The following KIF16B variants were observed in gnomAD, a reference collection of about 807,000 sequenced individuals.
KIF16B encodes the protein kinesin-like protein KIF16B.
A neutral mutation model predicts 156.3 loss-of-function variants in KIF16B; 98 were observed. That is an observed-to-expected ratio of 0.63 (90% CI 0.53 to 0.74). The LOEUF (loss-of-function observed/expected upper bound fraction) is 0.74, where lower values mean the gene tolerates loss of function less well. KIF16B is among the 30% of genes least tolerant of loss of function. The probability of loss-of-function intolerance (pLI) is 0.00; values close to 1 mark genes in which losing one functional copy is unlikely to be tolerated. For synonymous variants in KIF16B, 564 were observed against 583.7 expected, an observed-to-expected ratio of 0.97 and a Z score of 0.49; for missense variants, 1,421 against 1,606.5, an observed-to-expected ratio of 0.88 and a Z score of 1.97.
intron 7 of KIF16B, among the ~76,000 whole-genome samples, chr20:16,507,320 G>A (rs1252481374): frequency 6.6e-6 from 1 of 151,994 alleles, no homozygotes; most frequent in Non-Finnish European, 1.5e-5. Context: ...TATCTGATGT[G>A]TCCAACTGTT....
At chr20:16,518,481 C>A (rs1426432845) in intron 3 of KIF16B, among the ~76,000 whole-genome samples, 1 of 152,136 alleles carries the variant, frequency 6.6e-6, no homozygotes. Context: ...AGGGGAACTG[C>A]CCACAAGAGG....
At chr20:16,562,871 G>A (rs911726703) in intron 1 of KIF16B, among the ~76,000 whole-genome samples, 22 of 152,250 alleles carry the variant, frequency 1.4e-4, no homozygotes, top group African/African-American at 5.1e-4. Flanking sequence ...TCTATAAGAC[G>A]GATCTAATGA....
rs532791337 is a variant in KIF16B at position 16,450,800 on chromosome 20, A to G, written c.1303-20818T>C. Among the ~76,000 whole-genome samples, 11 of 151,874 alleles carry G rather than the reference A, an allele frequency of 7.2e-5. No homozygotes were observed. In the East Asian group the frequency reaches 2.1e-3, roughly 29 times the overall value. On this transcript the variant is annotated intron_variant, in intron 12 of 25. Transcript: ENST00000354981. ...CTCAACAGCAAGAGGAAACAAACAG[A>G]GTCATATTTGAGATCTGGATTTTGA...
intron 1 of KIF16B, among the ~76,000 whole-genome samples, chr20:16,561,464 GA>G (rs1409895341): frequency 6.0e-5 from 9 of 151,220 alleles, no homozygotes; most frequent in South Asian, 2.1e-4. Context: ...AAGTCAGTGG[GA>G]AAAAAAAAGT....
chr20:16,567,600 C>A (rs2071300221), intron 1 of KIF16B, among the ~76,000 whole-genome samples: 2 of 152,174 alleles, frequency 1.3e-5, no homozygotes, highest in African/African-American at 4.8e-5. Context: ...GGGTCTCAGT[C>A]TCCCCTGGCT....
intron 22 of KIF16B, among the ~76,000 whole-genome samples, chr20:16,358,937 G>A (rs541778885): frequency 3.3e-5 from 5 of 152,188 alleles, no homozygotes; most frequent in African/African-American, 1.2e-4. Context: ...CACACAGAGG[G>A]TCAGGCCTTG....
At chr20:16,456,587 TA>T (rs765925778) in intron 12 of KIF16B, among the ~76,000 whole-genome samples, 50 of 152,214 alleles carry the variant, frequency 3.3e-4, no homozygotes, top group Non-Finnish European at 6.0e-4. Flanking sequence ...AAGAGATCGC[TA>T]ACATCATAAA....
chr20:16,382,368 CTCA>C (rs1157755261), intron 17 of KIF16B, among the ~76,000 whole-genome samples: 3 of 152,204 alleles, frequency 2.0e-5, no homozygotes, highest in East Asian at 1.9e-4. Context: ...CTCTACACTT[CTCA>C]TCATAATCAT....
chr20:16,458,634 T>G (rs921145872), intron 12 of KIF16B, among the ~76,000 whole-genome samples: 2 of 151,958 alleles, frequency 1.3e-5, no homozygotes, highest in Admixed American at 6.6e-5. Flanking sequence ...CAATTTCTAG[T>G]CAACATAGGA....
In KIF16B at chr20:16,527,369, C is replaced by G. The variant is rs140361123; in HGVS notation, c.117+1002G>C. 4.0e-3 allele frequency among the ~76,000 whole-genome samples: 614 copies of G among 152,262 alleles called. 2 individuals are homozygous for G. The highest frequency in any genetic ancestry group is 0.014 in the African/African-American group (590 of 41,536). On this transcript the variant is annotated intron_variant, in intron 2 of 25. Transcript: ENST00000354981. ...CAGCTTCTACCATTGGAGATCAACT[C>G]GCACTACTTTGAAATTGGATCTCAA...
At chr20:16,514,582 GAAAAAAAAAAA>G (rs540602451) in intron 4 of KIF16B, among the ~76,000 whole-genome samples, 1 of 76,948 alleles carries the variant, frequency 1.3e-5, no homozygotes, top group South Asian at 4.2e-4. Flanking sequence ...TAAGAAATAA[GAAAAAAAAAAA>G]AAAAAAAAAA....
At chr20:16,450,984 G>A (rs549214207) in intron 12 of KIF16B, among the ~76,000 whole-genome samples, 1 of 152,298 alleles carries the variant, frequency 6.6e-6, no homozygotes, top group South Asian at 2.1e-4. Flanking sequence ...AGAGAGTGCC[G>A]CGCATCTTCT....
At chr20:16,423,031 TGG>T (rs2066264131) in intron 15 of KIF16B, among the ~76,000 whole-genome samples, 1 of 152,082 alleles carries the variant, frequency 6.6e-6, no homozygotes, top group Non-Finnish European at 1.5e-5. Flanking sequence ...CATGGAGTAC[TGG>T]AACAACAGGA....
intron 1 of KIF16B, among the ~76,000 whole-genome samples, chr20:16,554,264 T>C (rs538208128): frequency 6.6e-6 from 1 of 152,184 alleles, no homozygotes; most frequent in South Asian, 2.1e-4. Context: ...TTTCCTCCCC[T>C]ATGAGGCCCA....
At chr20:16,332,580 A>G (rs905433977) in intron 24 of KIF16B, among the ~76,000 whole-genome samples, 1 of 152,210 alleles carries the variant, frequency 6.6e-6, no homozygotes, top group African/African-American at 2.4e-5. Flanking sequence ...AAGCCACAAA[A>G]TTAAACACAA....
intron 2 of KIF16B, 109 bp downstream of exon 2, chr20:16,528,261 GA>G: frequency 1.2e-6 from 1 of 812,822 alleles, no homozygotes; most frequent in Non-Finnish European, 2.1e-6. Context: ...AACTGCACTG[GA>G]AAGGAGGGTG....
At chr20:16,324,573 G>A (rs2063816130) in intron 24 of KIF16B, among the ~76,000 whole-genome samples, 1 of 151,982 alleles carries the variant, frequency 6.6e-6, no homozygotes, top group Admixed American at 6.6e-5. Flanking sequence ...TGATCAAAGA[G>A]ACAATTAACA....
intron 17 of KIF16B, among the ~76,000 whole-genome samples, chr20:16,401,299 G>A (rs2065651019): frequency 6.6e-6 from 1 of 152,074 alleles, no homozygotes; most frequent in Non-Finnish European, 1.5e-5. Flanking sequence ...ATTTCAAGAT[G>A]AGGCCCTCTT....
intron 15 of KIF16B, among the ~76,000 whole-genome samples, chr20:16,426,706 A>G (rs1360324968): frequency 1.3e-5 from 2 of 152,160 alleles, no homozygotes; most frequent in Non-Finnish European, 2.9e-5. Context: ...AAAACAAAAA[A>G]TAGACATGAT....
Sources: allele counts gnomAD v4.1 joint callset (sites outside exome capture counted in the v4.1 genomes callset), GRCh38; gene constraint gnomAD v4.1.1; transcripts MANE v1.5; gene names NCBI Gene and HGNC (gene_info 2026-07-23, HGNC 2026-07-21).